HSPA12A: variants seen among roughly 807,000 people sequenced by gnomAD.
HSPA12A encodes the protein heat shock 70 kDa protein 12A.
A neutral mutation model predicts 69.2 loss-of-function variants in HSPA12A; 28 were observed. The ratio of observed to expected loss-of-function variants is 0.40; its 90% CI spans 0.30 to 0.55. The LOEUF (loss-of-function observed/expected upper bound fraction) is 0.55, where lower values mean the gene tolerates loss of function less well. Among genes scored for constraint, HSPA12A ranks in the 20% least tolerant of loss-of-function variants. HSPA12A has a pLI of 0.38. For synonymous variants in HSPA12A, 345 were observed against 370.5 expected (o/e 0.93, Z 0.79); for missense variants, 686 against 900.7 (o/e 0.76, Z 3.05).
intron 1 of HSPA12A, among the ~76,000 whole-genome samples, chr10:116,726,724 C>A (rs974254771): frequency 6.6e-6 from 1 of 152,194 alleles, no homozygotes; most frequent in Non-Finnish European, 1.5e-5. Context: ...AACGGCATGG[C>A]CCTACTGCCT....
At chr10:116,787,592 C>A (rs939066074) in intron 2 of HSPA12A, among the ~76,000 whole-genome samples, 7 of 152,008 alleles carry the variant, frequency 4.6e-5, no homozygotes, top group African/African-American at 1.7e-4. Context: ...TCTAGAATTT[C>A]TGGAAGGATA....
At chr10:116,756,490 T>C (rs1008716161) in intron 2 of HSPA12A, among the ~76,000 whole-genome samples, 1 of 152,138 alleles carries the variant, frequency 6.6e-6, no homozygotes, top group Non-Finnish European at 1.5e-5. Context: ...GCCCCAAGAG[T>C]GAGCTCAGAA....
intron 2 of HSPA12A, among the ~76,000 whole-genome samples, chr10:116,754,527 C>A (rs184290608): frequency 6.6e-6 from 1 of 152,192 alleles, no homozygotes; most frequent in East Asian, 1.9e-4. Context: ...AGACACTGAG[C>A]AAATAGGTTG....
chr10:116,789,632 T>G (rs1201745973), intron 2 of HSPA12A, among the ~76,000 whole-genome samples: 1 of 152,162 alleles, frequency 6.6e-6, no homozygotes, highest in Non-Finnish European at 1.5e-5. Flanking sequence ...ACTGTGCACT[T>G]GTCTGATTAT....
intron 2 of HSPA12A, among the ~76,000 whole-genome samples, chr10:116,793,628 T>C (rs1637557): frequency 0.82 from 124,660 of 151,948 alleles, 53,129 homozygotes; most frequent in Non-Finnish European, 0.93. Context: ...ATCACAACAA[T>C]GGCATGCAAA....
intron 1 of HSPA12A, among the ~76,000 whole-genome samples, chr10:116,847,798 G>A (rs546030293): frequency 6.6e-6 from 1 of 152,222 alleles, no homozygotes; most frequent in Admixed American, 6.5e-5. Context: ...GGGTTATAGG[G>A]GGAGACTCTT....
At chr10:116,711,498 T>C (rs1335557466) in intron 1 of HSPA12A, among the ~76,000 whole-genome samples, 3 of 152,052 alleles carry the variant, frequency 2.0e-5, no homozygotes, top group African/African-American at 7.2e-5. Flanking sequence ...CTAAAGGAAC[T>C]AGGAGTTTTA....
At position 116,742,464 on chromosome 10, in the gene HSPA12A, C is replaced by T. The variant is rs782079209; in HGVS notation, c.6G>A (p.Ala2=). ...CGTCGCTGCCGCCGGCCTCCTTGTCCGCCATGGTCGCGCAGCCCCGGACCG... is the reference window on the plus strand; with the variant it reads ...CGTCGCTGCCGCCGGCCTCCTTGTCTGCCATGGTCGCGCAGCCCCGGACCG... M[A]DKEAGGSDGP... The change falls in exon 1 of 12, where the codon GCG becomes GCA. Residue 2 remains alanine, a synonymous_variant. Transcript: ENST00000369209. 1.2e-4 allele frequency: 166 copies of T among 1,395,996 alleles called. 1 individual carries two copies. The highest frequency in any genetic ancestry group is 8.2e-5 in the Admixed American group (3 of 36,544). 86.5% of individuals were successfully genotyped at this position (1,395,996 alleles called of 1,614,324 possible). A position where few individuals can be genotyped will look rare whatever the true frequency, so the allele number is the denominator to read the frequency against.
chr10:116,774,826 G>A (rs1844297812), intron 2 of HSPA12A, among the ~76,000 whole-genome samples: 1 of 152,118 alleles, frequency 6.6e-6, no homozygotes, highest in African/African-American at 2.4e-5. Flanking sequence ...CAAGCCTGGA[G>A]CCCTCCACCC....
rs1471226681 is a variant in HSPA12A at position 116,704,675 on chromosome 10, C to G, written c.254+476G>C. Among the ~76,000 whole-genome samples the G allele has an allele frequency of 8.5e-5, 13 of 152,276 alleles. No homozygotes were observed. The East Asian group carries it at 1.4e-3, about 16-fold the overall frequency. ...CCTTCCCTGCTTTCATTTTACTACACAGTAAGCACTTAATGGACAATCTCC... is the reference window on the plus strand; with the variant it reads ...CCTTCCCTGCTTTCATTTTACTACAGAGTAAGCACTTAATGGACAATCTCC... On this transcript the variant is annotated intron_variant, in intron 3 of 11. Transcript: ENST00000369209.
In HSPA12A at chr10:116,849,390, G is replaced by A. The variant is rs1845981992; in HGVS notation, c.3+176C>T. On this transcript the variant is annotated intron_variant, in intron 1 of 12. Transcript: ENST00000635765. ...TGCCGCAGGGAGAAAAGACAGAGCA[G>A]CGAGCGCAAATACCATCCTAGCTCC... 7 of 800,742 alleles carry A rather than the reference G, an allele frequency of 8.7e-6. No individual in the cohort carries two copies. In the South Asian group the frequency reaches 1.9e-4, roughly 22 times the overall value. 49.6% of individuals were successfully genotyped at this position (800,742 alleles called of 1,614,324 possible). A position where few individuals can be genotyped will look rare whatever the true frequency, so the allele number is the denominator to read the frequency against.
intron 1 of HSPA12A, chr10:116,835,282 C>T (rs756735760): frequency 1.9e-5 from 4 of 214,384 alleles, no homozygotes; most frequent in African/African-American, 9.2e-5. Flanking sequence ...TAATGCCTTA[C>T]TACATCAAGA....
At chr10:116,824,661 G>A (rs1312588566) in intron 2 of HSPA12A, among the ~76,000 whole-genome samples, 3 of 152,222 alleles carry the variant, frequency 2.0e-5, no homozygotes, top group African/African-American at 7.2e-5. Context: ...TTGAGATGGA[G>A]TCTTGCTCTG....
At chr10:116,797,339 G>A (rs569016247) in intron 2 of HSPA12A, among the ~76,000 whole-genome samples, 3 of 152,142 alleles carry the variant, frequency 2.0e-5, no homozygotes, top group African/African-American at 7.2e-5. Context: ...ACCCCAGGGG[G>A]CTTACAGTCT....
intron 1 of HSPA12A, among the ~76,000 whole-genome samples, chr10:116,724,307 G>A (rs1850878800): frequency 6.6e-6 from 1 of 152,154 alleles, no homozygotes; most frequent in African/African-American, 2.4e-5. Flanking sequence ...AAAATTTTTA[G>A]TTTTTTAAAT....
intron 2 of HSPA12A, among the ~76,000 whole-genome samples, chr10:116,757,866 T>A (rs1359831577): frequency 1.3e-5 from 2 of 152,186 alleles, no homozygotes; most frequent in Non-Finnish European, 2.9e-5. Flanking sequence ...TCCAGATAAA[T>A]ACAAATCCCA....
At chr10:116,687,632 G>A (rs1849613613) in intron 6 of HSPA12A, among the ~76,000 whole-genome samples, 1 of 152,198 alleles carries the variant, frequency 6.6e-6, no homozygotes, top group African/African-American at 2.4e-5. Context: ...GCTTTCAAGT[G>A]CAAGCTTTGT....
rs184900695 is a variant in HSPA12A at position 116,716,152 on chromosome 10, G to A, written c.41-8867C>T. On this transcript the variant is annotated intron_variant, in intron 1 of 11. Transcript: ENST00000369209. ...GTGAACCCAGGGCCTCAGAGGAGGT[G>A]GGGGTGGGGGGTATCCTCCATCCCC... Among the ~76,000 whole-genome samples, 398 of 152,180 alleles carry A rather than the reference G, an allele frequency of 2.6e-3. 4 individuals are homozygous for A. Among genetic ancestry groups the A allele is most frequent in the African/African-American group, 9.1e-3 (378 of 41,524 alleles).
At chr10:116,702,710 T>G (rs1227566591) in intron 3 of HSPA12A, among the ~76,000 whole-genome samples, 1 of 152,204 alleles carries the variant, frequency 6.6e-6, no homozygotes, top group African/African-American at 2.4e-5. Flanking sequence ...CTTTTTCCCT[T>G]CAAATTTTTA....
Sources: allele counts gnomAD v4.1 joint callset (sites outside exome capture counted in the v4.1 genomes callset), GRCh38; gene constraint gnomAD v4.1.1; transcripts MANE v1.5; gene names NCBI Gene and HGNC (gene_info 2026-07-23, HGNC 2026-07-21).